The following EXOC5 variants were observed in gnomAD, a reference collection of about 807,000 sequenced individuals.
EXOC5 encodes exocyst complex component 5.
A neutral mutation model predicts 90.8 loss-of-function variants in EXOC5; 17 were observed. The ratio of observed to expected loss-of-function variants is 0.19; its 90% CI spans 0.13 to 0.28. EXOC5 has a LOEUF of 0.28. Ranked by LOEUF, EXOC5 falls within the 10% of genes least tolerant of loss-of-function variation. EXOC5 has a pLI of 1.00. For missense variants in EXOC5, 569 were observed against 830.6 expected (o/e 0.69, Z 3.87); for synonymous variants, 260 against 270.0 (o/e 0.96, Z 0.36).
At chr14:57,221,218 T>C (rs948727033) in intron 13 of EXOC5, among the ~76,000 whole-genome samples, 1 of 152,026 alleles carries the variant, frequency 6.6e-6, no homozygotes, top group African/African-American at 2.4e-5. Context: ...ATTTTGGGGA[T>C]AGGGAAACAC....
intron 4 of EXOC5, among the ~76,000 whole-genome samples, chr14:57,242,502 C>T (rs2139649718): frequency 6.6e-6 from 1 of 152,060 alleles, no homozygotes; most frequent in African/African-American, 2.4e-5. Flanking sequence ...CCTTGGCCTC[C>T]TAAAGTGCTG....
In EXOC5 at chr14:57,201,453, T is replaced by A. The variant is rs183437740; in HGVS notation, c.*7156A>T. 6.8e-6 allele frequency: 1 copy of A among 146,518 alleles called. No homozygotes were observed. The highest frequency in any genetic ancestry group is 2.6e-5 in the African/African-American group (1 of 38,314). 9.1% of individuals were successfully genotyped at this position (146,518 alleles called of 1,614,324 possible). A position where few individuals can be genotyped will look rare whatever the true frequency, so the allele number is the denominator to read the frequency against. ...ATACACACACACACGTGTGTATATATACACACGCGTGTATATGTACACACA... is the reference window on the plus strand; with the variant it reads ...ATACACACACACACGTGTGTATATAAACACACGCGTGTATATGTACACACA... On this transcript the variant is annotated 3_prime_UTR_variant, in exon 18 of 18. Transcript: ENST00000621441.
chr14:57,263,899 T>C (rs1378339981), intron 1 of EXOC5, among the ~76,000 whole-genome samples: 1 of 152,130 alleles, frequency 6.6e-6, no homozygotes, highest in Non-Finnish European at 1.5e-5. Flanking sequence ...AGCCATCTTG[T>C]GTCTCTGCCT....
In EXOC5 at chr14:57,209,774, T is replaced by C; in HGVS notation, c.1731A>G (p.Val577=). Reference sequence around the variant, plus strand: ...GTTTTCTTACGTAAGCACAGACTTTTACACAGGCCTATAAAAGTTTTTCTA... The same window carrying C: ...GTTTTCTTACGTAAGCACAGACTTTCACACAGGCCTATAAAAGTTTTTCTA... ...NVLIQYTNAC[V]KVCAYVRKQV... The change falls in exon 17 of 18, where the codon GTA becomes GTG. Residue 577 remains valine, a synonymous_variant. Coordinates refer to ENST00000621441, the MANE Select transcript of EXOC5 (RefSeq NM_006544.4). The C allele has an allele frequency of 6.2e-7, 1 of 1,607,176 alleles. No homozygotes were observed. The highest frequency in any genetic ancestry group is 8.5e-7 in the Non-Finnish European group (1 of 1,175,842).
At position 57,234,031 on chromosome 14, in the gene EXOC5, C is replaced by A. The variant is rs1161107834; in HGVS notation, c.671G>T (p.Gly224Val). 2 of 1,583,252 alleles carry A rather than the reference C, an allele frequency of 1.3e-6. No individual in the cohort carries two copies. The highest frequency in any genetic ancestry group is 1.3e-5 in the African/African-American group (1 of 74,308). ...ATAAACATCAACACAATGGGAATAA[C>A]CCTACAAGGAAGAAACACATTGTTA... ...EVAAVLLHFK[G>V]YSHCVDVYIK... Residue 224 changes from glycine to valine, a missense_variant and splice_region_variant, in exon 8 of 18, where the codon GGT (glycine) becomes GTT (valine). Transcript: ENST00000621441.
At chr14:57,233,508 C>T (rs1001814346) in intron 9 of EXOC5, among the ~76,000 whole-genome samples, 2 of 151,948 alleles carry the variant, frequency 1.3e-5, no homozygotes, top group African/African-American at 4.8e-5. Flanking sequence ...ACTACTACTA[C>T]GAATACTACA....
chr14:57,232,945 A>G, intron 9 of EXOC5, 196 bp from the exon 10 acceptor site: 1 of 453,744 alleles, frequency 2.2e-6, no homozygotes. Context: ...CACTTCTCAT[A>G]TTTACCTGTA....
intron 10 of EXOC5, 180 bp from the exon 11 acceptor site, chr14:57,231,895 T>C (rs558914375): frequency 3.4e-5 from 17 of 506,444 alleles, no homozygotes; most frequent in African/African-American, 2.7e-4. Context: ...ATAAATACAG[T>C]GAAATATTAC....
In EXOC5 at chr14:57,221,171, T is replaced by C. The variant is rs114039716; in HGVS notation, c.1405+1137A>G. On this transcript the variant is annotated intron_variant, in intron 13 of 17. Coordinates refer to ENST00000621441, the MANE Select transcript of EXOC5 (RefSeq NM_006544.4). ...TAACATCTTAGTTGAGATCAGATGA[T>C]TGAAAAGCCAGCCATGAGAAAAGCT... Among the ~76,000 whole-genome samples the C allele has an allele frequency of 3.7e-3, 563 of 152,268 alleles. 5 individuals carry two copies. Among genetic ancestry groups the C allele is most frequent in the African/African-American group, 0.013 (542 of 41,552 alleles).
At chr14:57,219,280 T>G (rs576743064) in intron 14 of EXOC5, 42 bp downstream of exon 14, 1 of 1,251,654 alleles carries the variant, frequency 8.0e-7, no homozygotes, top group Non-Finnish European at 1.1e-6. Context: ...AATGCTATAA[T>G]AGTCACTGAA....
intron 7 of EXOC5, among the ~76,000 whole-genome samples, chr14:57,235,063 G>A (rs1462948323): frequency 1.3e-5 from 2 of 152,060 alleles, no homozygotes; most frequent in African/African-American, 4.8e-5. Flanking sequence ...AATATAAAGT[G>A]CACTACTGTC....
rs1172211518 is a variant in EXOC5, at chr14:57,207,514, T to G, written c.*1095A>C. ...ATCAAATTAAGCCAATTCCATTAAC[T>G]ATATCCAAGTAGGAATAACTTCAGA... On this transcript the variant is annotated 3_prime_UTR_variant, in exon 18 of 18. Transcript: ENST00000621441. The G allele has an allele frequency of 6.6e-6, 1 of 152,314 alleles. No homozygotes were observed. Among genetic ancestry groups the G allele is most frequent in the African/African-American group, 2.4e-5 (1 of 41,452 alleles). 9.4% of individuals were successfully genotyped at this position (152,314 alleles called of 1,614,324 possible). A position where few individuals can be genotyped will look rare whatever the true frequency, so the allele number is the denominator to read the frequency against.
In EXOC5 at chr14:57,219,569, A is replaced by G. The variant is rs75882283; in HGVS notation, c.1406-127T>C. On this transcript the variant is annotated intron_variant, in intron 13 of 17. Transcript: ENST00000621441. ...ATGACACCGCTATTTTAATACATCA[A>G]TAATGACTTCTGTGGACAGAAGAGG... 3.0e-3 allele frequency: 2,118 copies of G among 708,126 alleles called. 46 individuals carry two copies. In the African/African-American group the frequency reaches 0.037, roughly 12 times the overall value. 43.9% of individuals were successfully genotyped at this position (708,126 alleles called of 1,614,324 possible). A position where few individuals can be genotyped will look rare whatever the true frequency, so the allele number is the denominator to read the frequency against.
At chr14:57,227,762 A>C (rs1883352240) in intron 12 of EXOC5, among the ~76,000 whole-genome samples, 1 of 152,120 alleles carries the variant, frequency 6.6e-6, no homozygotes, top group Non-Finnish European at 1.5e-5. Flanking sequence ...CTATTGATTT[A>C]TATTCACATG....
intron 12 of EXOC5, among the ~76,000 whole-genome samples, chr14:57,224,616 T>C (rs1483458588): frequency 3.3e-5 from 5 of 152,092 alleles, no homozygotes; most frequent in Non-Finnish European, 7.4e-5. Flanking sequence ...CAGGCCCAAA[T>C]GACTTCACTT....
intron 3 of EXOC5, among the ~76,000 whole-genome samples, chr14:57,245,893 C>CA (rs913665009): frequency 1.3e-5 from 2 of 151,848 alleles, no homozygotes; most frequent in Non-Finnish European, 2.9e-5. Context: ...ACTAAAAATA[C>CA]AAAAAAATTA....
At chr14:57,257,163 G>C (rs1349106540) in intron 1 of EXOC5, among the ~76,000 whole-genome samples, 1 of 151,912 alleles carries the variant, frequency 6.6e-6, no homozygotes, top group Non-Finnish European at 1.5e-5. Flanking sequence ...TGGATATGTG[G>C]AGAAAGAAAA....
intron 14 of EXOC5, among the ~76,000 whole-genome samples, chr14:57,218,982 T>C (rs916093637): frequency 2.0e-5 from 3 of 152,066 alleles, no homozygotes; most frequent in Admixed American, 6.6e-5. Context: ...ACATGGACTT[T>C]GTCTATCGGA....
intron 1 of EXOC5, among the ~76,000 whole-genome samples, chr14:57,249,807 T>C (rs1455856403): frequency 2.0e-5 from 3 of 152,140 alleles, no homozygotes; most frequent in African/African-American, 7.2e-5. Context: ...GTTTCGCTCT[T>C]GTTGCCCAGG....
Sources: gnomAD v4.1 joint callset for allele counts (sites outside exome capture counted in the v4.1 genomes callset) on GRCh38, gnomAD v4.1.1 for gene constraint, MANE v1.5 for transcripts, NCBI Gene and HGNC (gene_info 2026-07-23, HGNC 2026-07-21) for gene names.